Variants in TUBB4A observed in about 807,000 individuals in gnomAD.
TUBB4A encodes the protein tubulin beta-4A chain.
A neutral mutation model predicts 35.1 loss-of-function variants in TUBB4A; 13 were observed. The ratio of observed to expected loss-of-function variants is 0.37; its 90% CI spans 0.24 to 0.59. TUBB4A has a LOEUF of 0.59. Ranked by LOEUF, TUBB4A falls within the 20% of genes least tolerant of loss-of-function variation. TUBB4A has a pLI of 0.71. For synonymous variants in TUBB4A, 279 were observed against 272.4 expected (o/e 1.02, Z -0.24); for missense variants, 299 against 647.2 (o/e 0.46, Z 5.84).
chr19:6,496,751 G>A (rs1914217961), intron 3 of TUBB4A, among the ~76,000 whole-genome samples: 2 of 150,162 alleles, frequency 1.3e-5, no homozygotes, highest in Non-Finnish European at 3.0e-5. Flanking sequence ...AACCTGGGAG[G>A]AGGAGGCTGC....
chr19:6,499,408 G>A (rs1052166018), intron 3 of TUBB4A, among the ~76,000 whole-genome samples: 2 of 152,012 alleles, frequency 1.3e-5, no homozygotes, highest in African/African-American at 4.8e-5. Context: ...ACGTCTCTGT[G>A]CCTCTGTTTT....
chr19:6,497,281 A>T (rs1914294677), intron 3 of TUBB4A, among the ~76,000 whole-genome samples: 1 of 151,580 alleles, frequency 6.6e-6, no homozygotes, highest in Admixed American at 6.6e-5. Flanking sequence ...TATCATTTTC[A>T]GGCAGGGTCT....
chr19:6,499,221 G>A (rs1007380527), intron 3 of TUBB4A, among the ~76,000 whole-genome samples: 2 of 151,882 alleles, frequency 1.3e-5, no homozygotes, highest in Non-Finnish European at 2.9e-5. Context: ...CCAGCTACTC[G>A]TGAGGCAGGA....
Position 6,496,127 on chromosome 19 carries a change from G to A in TUBB4A, c.372C>T (p.Ala124=), listed in dbSNP as rs1421918863. 6.2e-6 allele frequency: 10 copies of A among 1,614,042 alleles called. No homozygotes were observed. Among genetic ancestry groups the A allele is most frequent in the Admixed American group, 3.3e-5 (2 of 59,998 alleles). Residue 124 remains alanine (A), a synonymous_variant, in exon 4 of 4, where the codon GCC becomes GCT. Transcript: ENST00000264071. ...AGCCCTGAAGGCAGTCGCAGCTCTC[G>A]GCCTCCTTCCGGACTACGTCCAGGA... is the stretch of plus-strand genomic sequence containing the variant. ...DAVLDVVRKE[A]ESCDCLQGFQ...
rs1914549216 is a variant in TUBB4A, at chr19:6,501,868, G to A, written c.58-245C>T. 1.7e-6 allele frequency: 1 copy of A among 588,356 alleles called. No individual in the cohort carries two copies. Among genetic ancestry groups the A allele is most frequent in the South Asian group, 2.1e-5 (1 of 48,306 alleles). 36.4% of individuals were successfully genotyped at this position (588,356 alleles called of 1,614,324 possible). ...AGCGCACCCAGGCTGCAGCCCGGGG[G>A]AGGCACCGGGGCTCTTTGTGCGTGA... On this transcript the variant is annotated intron_variant, in intron 1 of 3. Transcript: ENST00000264071. This position sits in a 1 kb window ranked among gnomAD's most constrained non-coding sequence, Gnocchi z 4.2.
Position 6,495,986 on chromosome 19 carries a change from G to A in TUBB4A, c.513C>T (p.Pro171=), listed in dbSNP as rs1599407056. The stretch of plus-strand genomic sequence containing the variant: ...CCACCGTGTCTGACACTTTGGGCGA[G>A]GGCACCACGCTGAAGGTGTTCATGA... The part of the protein sequence containing the change: ...DRIMNTFSVV[P]SPKVSDTVVE... Residue 171 remains proline (P), a synonymous_variant, in exon 4 of 4, where the codon CCC becomes CCT. Transcript: ENST00000264071. This position sits in a 1 kb window ranked among gnomAD's most constrained non-coding sequence, Gnocchi z 8.7. 3 of 1,614,206 alleles carry A rather than the reference G, an allele frequency of 1.9e-6. No individual in the cohort carries two copies. Among genetic ancestry groups the A allele is most frequent in the Non-Finnish European group, 2.5e-6 (3 of 1,180,036 alleles).
chr19:6,500,923 C>T (rs1190684840), intron 3 of TUBB4A: 1 of 213,064 alleles, frequency 4.7e-6, no homozygotes, highest in Non-Finnish European at 9.4e-6. Context: ...CTGTTTGATT[C>T]TTACCTGGAT....
chr19:6,496,865 A>G (rs1198720895), intron 3 of TUBB4A, among the ~76,000 whole-genome samples: 1 of 146,968 alleles, frequency 6.8e-6, no homozygotes, highest in Non-Finnish European at 1.5e-5. Context: ...CCCTGCCTAA[A>G]AAAAAACCAA....
chr19:6,497,013 AAAAAAAAAAAAATATATAT>A (rs1422925753), intron 3 of TUBB4A, among the ~76,000 whole-genome samples: 1 of 56,164 alleles, frequency 1.8e-5, no homozygotes, highest in African/African-American at 6.9e-5. Context: ...AAAAAAAAAA[AAAAAAAAAAAAATATATAT>A]ATATATATAT....
Position 6,502,282 on chromosome 19 carries a change from G to A in TUBB4A, c.-70C>T, listed in dbSNP as rs1914576922. 5 of 1,448,786 alleles carry A rather than the reference G, an allele frequency of 3.5e-6. No individual in the cohort carries two copies. The East Asian group carries it at 8.4e-5, about 24-fold the overall frequency. The allele number at this position is 1,448,786 out of a possible 1,614,324, so 89.7% of individuals were successfully genotyped here. On this transcript the variant is annotated 5_prime_UTR_variant, in exon 1 of 4. Coordinates refer to ENST00000264071, the MANE Select transcript of TUBB4A (RefSeq NM_006087.4). Reference sequence around the variant, plus strand: ...GGGGAGCTGCGGCGGCGGCGAGGGTGGAAGATGCGGCGGAGACGGCGGAGC... The same window carrying A: ...GGGGAGCTGCGGCGGCGGCGAGGGTAGAAGATGCGGCGGAGACGGCGGAGC...
chr19:6,495,208 C>T lies in TUBB4A; in HGVS notation c.1291G>A (p.Glu431Lys). ...GCCTCCTCCTCGAACTCGCCCTCCT[C>T]GGCCGTGGCGTCCTGGTACTGCTGG... The part of the protein sequence containing the change: ...EYQQYQDATA[E>K]EGEFEEEAEE... The change falls in exon 4 of 4, where the codon GAG (glutamate) becomes AAG (lysine). Residue 431 changes from glutamate (E) to lysine (K), a missense_variant. Physicochemically the swap from Glu to Lys is moderately conservative, Grantham distance 56. Coordinates refer to ENST00000264071, the MANE Select transcript of TUBB4A (RefSeq NM_006087.4). The surrounding 1 kb of genome is among the most constrained non-coding windows in gnomAD (Gnocchi z 8.7). The T allele has an allele frequency of 6.2e-7, 1 of 1,613,976 alleles. No homozygotes were observed. Among genetic ancestry groups the T allele is most frequent in the Non-Finnish European group, 8.5e-7 (1 of 1,179,884 alleles).
chr19:6,497,979 A>G (rs1416320813), intron 3 of TUBB4A, among the ~76,000 whole-genome samples: 1 of 150,806 alleles, frequency 6.6e-6, no homozygotes, highest in Non-Finnish European at 1.5e-5. Context: ...TGGGAGGCCG[A>G]GGCGGGCGGA....
rs913507779 is a variant in TUBB4A at position 6,501,736 on chromosome 19, G to A, written c.58-113C>T. 2 of 832,708 alleles carry A rather than the reference G, an allele frequency of 2.4e-6. No individual in the cohort carries two copies. Among genetic ancestry groups the A allele is most frequent in the Non-Finnish European group, 3.9e-6 (2 of 515,414 alleles). 51.6% of individuals were successfully genotyped at this position (832,708 alleles called of 1,614,324 possible). On this transcript the variant is annotated intron_variant, in intron 1 of 3. Transcript: ENST00000264071. This position sits in a 1 kb window ranked among gnomAD's most constrained non-coding sequence, Gnocchi z 4.2. ...GCTGCCACCTCTCCCCCAGCAAGGT[G>A]AACGGGGGACCTAGAGGCATGGTGT...
chr19:6,496,838 C>G (rs1280860570), intron 3 of TUBB4A, among the ~76,000 whole-genome samples: 1 of 144,526 alleles, frequency 6.9e-6, no homozygotes, highest in Non-Finnish European at 1.5e-5. Context: ...CACATACACA[C>G]AAAACACTCC....
chr19:6,502,546 C>T (rs1914593498), upstream of TUBB4A: 5 of 278,194 alleles, frequency 1.8e-5, no homozygotes, highest in South Asian at 4.6e-4. Context: ...CAGTCTCCCC[C>T]GTCCCAGCCC....
Position 6,495,265 on chromosome 19 carries a change from C to T in TUBB4A, c.1234G>A (p.Glu412Lys). 1 of 1,613,864 alleles carries T rather than the reference C, an allele frequency of 6.2e-7. No individual in the cohort carries two copies. Among genetic ancestry groups the T allele is most frequent in the Non-Finnish European group, 8.5e-7 (1 of 1,179,884 alleles). ...GMDEMEFTEAESNMNDLVSEY... is the reference protein window; with the variant it reads ...GMDEMEFTEAKSNMNDLVSEY... ...GATACCAGGTCATTCATGTTGCTCT[C>T]GGCCTCGGTGAACTCCATCTCGTCC... The change falls in exon 4 of 4, where the codon GAG becomes AAG. Residue 412 changes from glutamate to lysine, a missense_variant. By Grantham distance (56) the Glu-to-Lys change is moderately conservative. This residue lies in a region of TUBB4A where 125 missense variants were observed against 279.1 expected (regional missense o/e 0.45). Transcript: ENST00000264071. This position sits in a 1 kb window ranked among gnomAD's most constrained non-coding sequence, Gnocchi z 8.7.
intron 1 of TUBB4A, 53 bp downstream of exon 1, chr19:6,502,103 C>T: frequency 6.6e-7 from 1 of 1,512,484 alleles, no homozygotes; most frequent in Non-Finnish European, 8.8e-7. Context: ...GGACCGACCC[C>T]GCGGTGCTCC....
chr19:6,501,136 C>G lies in TUBB4A; in HGVS notation c.277+151G>C. The G allele has an allele frequency of 9.7e-6, 6 of 617,676 alleles. No homozygotes were observed. Among genetic ancestry groups the G allele is most frequent in the African/African-American group, 1.8e-5 (1 of 54,220 alleles). The allele number at this position is 617,676 out of a possible 1,614,324, so 38.3% of individuals were successfully genotyped here. On this transcript the variant is annotated intron_variant, in intron 3 of 3. Transcript: ENST00000264071. This position sits in a 1 kb window ranked among gnomAD's most constrained non-coding sequence, Gnocchi z 4.2. Reference sequence around the variant, plus strand: ...AGGGCTCTCACAGTGGCCTGAGCATCCCCTCATCACAGCCCTGGATGCAGG... The same window carrying G: ...AGGGCTCTCACAGTGGCCTGAGCATGCCCTCATCACAGCCCTGGATGCAGG...
chr19:6,501,288 A>G lies in TUBB4A; in HGVS notation c.276T>C (p.Phe92=), dbSNP rs1185869084. 3 of 1,613,526 alleles carry G rather than the reference A, an allele frequency of 1.9e-6. No homozygotes were observed. The highest frequency in any genetic ancestry group is 2.5e-6 in the Non-Finnish European group (3 of 1,179,736). The change falls in exon 3 of 4, where the codon TTT becomes TTC. Residue 92 remains phenylalanine, a splice_region_variant and synonymous_variant. Coordinates refer to ENST00000264071, the MANE Select transcript of TUBB4A (RefSeq NM_006087.4). This position sits in a 1 kb window ranked among gnomAD's most constrained non-coding sequence, Gnocchi z 4.2. ...GQIFRPDNFV[F]GQSGAGNNWA... ...CTGGCTCCCTGCTGGGGGACTCACC[A>G]AACACGAAGTTGTCCGGCCGAAAGA...
Sources: allele counts gnomAD v4.1 joint callset (sites outside exome capture counted in the v4.1 genomes callset), GRCh38; gene constraint gnomAD v4.1.1; regional missense constraint gnomAD v4.1.1; non-coding constraint Gnocchi (gnomAD v3.1); transcripts MANE v1.5; gene names NCBI Gene and HGNC (gene_info 2026-07-23, HGNC 2026-07-21).